RUNX1T1: variants seen among roughly 807,000 people sequenced by gnomAD.
The protein encoded by RUNX1T1 is protein CBFA2T1.
In RUNX1T1, 4 loss-of-function variants were observed where a neutral mutation model predicts 62.8. That is an observed-to-expected ratio of 0.06 (90% CI 0.03 to 0.15). RUNX1T1 has a LOEUF of 0.15. Among genes scored for constraint, RUNX1T1 ranks in the 10% least tolerant of loss-of-function variants. RUNX1T1 has a pLI of 1.00. For synonymous variants in RUNX1T1, 291 were observed against 286.0 expected (o/e 1.02, Z -0.18); for missense variants, 508 against 754.3 (o/e 0.67, Z 3.82).
At chr8:92,032,189 A>T (rs898875850) in intron 1 of RUNX1T1, among the ~76,000 whole-genome samples, 1 of 148,660 alleles carries the variant, frequency 6.7e-6, no homozygotes, top group African/African-American at 2.5e-5. Context: ...ACAGCAGAAT[A>T]AAAAAAAAAT....
chr8:92,034,761 C>CGT (rs1563810166), intron 1 of RUNX1T1, among the ~76,000 whole-genome samples: 5,989 of 141,640 alleles, frequency 0.042, 476 homozygotes, highest in Non-Finnish European at 0.067. Flanking sequence ...TATATACACA[C>CGT]ATATACATAT....
In RUNX1T1 at chr8:91,960,758, C is replaced by T. The variant is rs190323454; in HGVS notation, c.1459-241G>A. Among the ~76,000 whole-genome samples the T allele has an allele frequency of 4.8e-4, 73 of 152,312 alleles. No homozygotes were observed. In the East Asian group the frequency reaches 0.013, roughly 27 times the overall value. On this transcript the variant is annotated intron_variant, in intron 10 of 10. Coordinates refer to ENST00000396218, the Ensembl canonical transcript of RUNX1T1. ...TGGCATCTGACAAAGCAGTTGAAGA[C>T]TTTTTAAGTTCTTACTATAACATCC...
chr8:92,005,674 A>G (rs1252933685), intron 4 of RUNX1T1: 1 of 169,002 alleles, frequency 5.9e-6, no homozygotes, highest in African/African-American at 2.4e-5. Flanking sequence ...TAAAAAATAT[A>G]TACACAGTCC....
At chr8:92,003,290 C>A (rs1334348806) in intron 5 of RUNX1T1, 1 of 454,600 alleles carries the variant, frequency 2.2e-6, no homozygotes, top group Admixed American at 2.4e-5. Context: ...TAACATACTG[C>A]CCAGCACTTA....
At chr8:92,090,092 T>C (rs879262294) in intron 1 of RUNX1T1, among the ~76,000 whole-genome samples, 18 of 151,906 alleles carry the variant, frequency 1.2e-4, no homozygotes, top group Admixed American at 1.2e-3. Flanking sequence ...GCCTGAGGGC[T>C]GGAATGCACC....
chr8:91,999,276 A>C lies in RUNX1T1; in HGVS notation c.659+5840T>G, dbSNP rs1405144418. Among the ~76,000 whole-genome samples, 3 of 152,204 alleles carry C rather than the reference A, an allele frequency of 2.0e-5. No individual in the cohort carries two copies. The South Asian group carries it at 6.2e-4, about 31-fold the overall frequency. On this transcript the variant is annotated intron_variant, in intron 5 of 10. Coordinates refer to ENST00000396218, the Ensembl canonical transcript of RUNX1T1. The stretch of plus-strand genomic sequence containing the variant: ...AGAGATTACTCCAGAATGTGTACTC[A>C]TAAGGACAGAGGTTTTGGAGTCACA...
At chr8:91,975,775 T>A (rs1813791043) in intron 9 of RUNX1T1, 130 bp downstream of exon 10, 1 of 628,050 alleles carries the variant, frequency 1.6e-6, no homozygotes, top group East Asian at 2.6e-5. Context: ...GTGGTTTTTT[T>A]TGTTTTGTTT....
intron 5 of RUNX1T1, among the ~76,000 whole-genome samples, chr8:91,996,020 T>C (rs1371040352): frequency 6.6e-6 from 1 of 152,144 alleles, no homozygotes; most frequent in Non-Finnish European, 1.5e-5. Context: ...AACTCCATAT[T>C]TGCATTCTTC....
chr8:92,101,108 AT>A (rs1327926360), upstream of RUNX1T1, among the ~76,000 whole-genome samples: 1 of 152,238 alleles, frequency 6.6e-6, no homozygotes, highest in East Asian at 1.9e-4. Flanking sequence ...GGCAATGATA[AT>A]AAAAGCTACT....
chr8:92,093,935 C>T (rs758933781), intron 1 of RUNX1T1, among the ~76,000 whole-genome samples: 41 of 152,342 alleles, frequency 2.7e-4, no homozygotes, highest in Admixed American at 7.2e-4. Context: ...CTAAGACATG[C>T]TATCTGCTAG....
intron 1 of RUNX1T1, among the ~76,000 whole-genome samples, chr8:92,076,705 C>T (rs1289496192): frequency 1.3e-5 from 2 of 151,962 alleles, no homozygotes; most frequent in Non-Finnish European, 2.9e-5. Context: ...ATTAATGAAA[C>T]AAATATTGTT....
At chr8:92,099,738 A>G, upstream of RUNX1T1, 8 of 652,240 alleles carry the variant, frequency 1.2e-5, no homozygotes, top group Non-Finnish European at 1.5e-5. Context: ...GCTGATGTTC[A>G]TATCAAAGAA....
At chr8:92,089,507 G>C in intron 1 of RUNX1T1, among the ~76,000 whole-genome samples, 1 of 152,044 alleles carries the variant, frequency 6.6e-6, no homozygotes, top group East Asian at 1.9e-4. Context: ...AGTGAAGCGA[G>C]TCCAAACTTT....
At chr8:92,014,909 C>A (rs1425149143) in intron 2 of RUNX1T1, 89 bp from the exon 4 acceptor site, 2 of 1,297,878 alleles carry the variant, frequency 1.5e-6, no homozygotes, top group Admixed American at 2.5e-5. Flanking sequence ...CCTTTTACAT[C>A]TACTAGTTTT....
At chr8:91,979,251 G>C (rs1022555009) in intron 8 of RUNX1T1, among the ~76,000 whole-genome samples, 1 of 152,060 alleles carries the variant, frequency 6.6e-6, no homozygotes, top group African/African-American at 2.4e-5. Flanking sequence ...AATCTATATA[G>C]GGAAAACTGA....
intron 1 of RUNX1T1, among the ~76,000 whole-genome samples, chr8:92,088,936 T>C (rs947314148): frequency 5.9e-5 from 9 of 152,228 alleles, no homozygotes; most frequent in Admixed American, 3.9e-4. Flanking sequence ...GCTTAAGACA[T>C]TCTCCTTTGT....
At chr8:92,084,459 T>C (rs1835784589) in intron 1 of RUNX1T1, among the ~76,000 whole-genome samples, 1 of 152,182 alleles carries the variant, frequency 6.6e-6, no homozygotes, top group Admixed American at 6.5e-5. Flanking sequence ...AACATGCTGT[T>C]GGAACCAAAG....
At chr8:92,053,782 T>C (rs1490648157) in intron 1 of RUNX1T1, among the ~76,000 whole-genome samples, 2 of 152,182 alleles carry the variant, frequency 1.3e-5, no homozygotes, top group Admixed American at 6.5e-5. Context: ...CACTCACTTA[T>C]TCATTAAGCA....
At position 92,007,953 on chromosome 8, in the gene RUNX1T1, G is replaced by A. The variant is rs1172761418; in HGVS notation, c.478-2656C>T. ...ACTGCACTCCAGCCTGGGTAACAGA[G>A]CGAGACTTTGTTTCAAAAAAAAAAA... is the stretch of plus-strand genomic sequence containing the variant. On this transcript the variant is annotated intron_variant, in intron 4 of 10. Transcript: ENST00000396218. Among the ~76,000 whole-genome samples the A allele has an allele frequency of 4.6e-4, 63 of 137,002 alleles. 1 individual carries two copies. Among genetic ancestry groups the A allele is most frequent in the Non-Finnish European group, 1.5e-4 (10 of 65,482 alleles). The allele number at this position is 137,002 out of a possible 152,430, so 89.9% of individuals were successfully genotyped here. A position where few individuals can be genotyped will look rare whatever the true frequency, so the allele number is the denominator to read the frequency against.
Sources: allele counts gnomAD v4.1 joint callset (sites outside exome capture counted in the v4.1 genomes callset), GRCh38; gene constraint gnomAD v4.1.1; transcripts MANE v1.5; gene names NCBI Gene and HGNC (gene_info 2026-07-23, HGNC 2026-07-21).